WDFY3: variants seen among roughly 807,000 people sequenced by gnomAD.
WDFY3 encodes the protein WD repeat and FYVE domain containing 3.
A neutral mutation model predicts 409.6 loss-of-function variants in WDFY3; 66 were observed. That is an observed-to-expected ratio of 0.16 (90% CI 0.13 to 0.20). The LOEUF is 0.20. WDFY3 is among the 10% of genes least tolerant of loss of function. The pLI is 1.00. For synonymous variants in WDFY3, 1,521 were observed against 1,537.1 expected, an observed-to-expected ratio of 0.99 and a Z score of 0.25; for missense variants, 3,031 against 4,298.1, an observed-to-expected ratio of 0.71 and a Z score of 8.24.
chr4:84,857,819 A>G (rs1435119605), intron 4 of WDFY3, among the ~76,000 whole-genome samples: 2 of 152,184 alleles, frequency 1.3e-5, no homozygotes, highest in African/African-American at 2.4e-5. Flanking sequence ...TAATGTTTCT[A>G]TCCTCTTCTG....
At chr4:84,688,406 G>T in intron 61 of WDFY3, 141 bp from the exon 62 acceptor site, 1 of 803,996 alleles carries the variant, frequency 1.2e-6, no homozygotes, top group Non-Finnish European at 1.9e-6. Flanking sequence ...TGTCTGGAGA[G>T]TCTGGAAGGC....
chr4:84,802,471 T>C (rs562438166), intron 16 of WDFY3, among the ~76,000 whole-genome samples: 121 of 152,002 alleles, frequency 8.0e-4, no homozygotes, highest in African/African-American at 2.8e-3. Context: ...AGTTTCACTG[T>C]GTTAGCCAGG....
intron 58 of WDFY3, 114 bp from the exon 59 acceptor site, chr4:84,693,146 C>T (rs535293807): frequency 1.8e-6 from 2 of 1,088,850 alleles, no homozygotes; most frequent in South Asian, 3.1e-5. Context: ...CTATTAGGTA[C>T]TATATTATCC....
rs184334963 is a variant in WDFY3, at chr4:84,827,435, T to G, written c.957-454A>C. 1.0e-3 allele frequency among the ~76,000 whole-genome samples: 152 copies of G among 152,304 alleles called. 1 individual carries two copies. The highest frequency in any genetic ancestry group is 3.6e-3 in the African/African-American group (148 of 41,584). ...TCCTTTACTAGTGCTGTATGTGTACTTCCACACATTAGTGTAAGCTTTCAC... is the reference window on the plus strand; with the variant it reads ...TCCTTTACTAGTGCTGTATGTGTACGTCCACACATTAGTGTAAGCTTTCAC... On this transcript the variant is annotated intron_variant, in intron 9 of 67. Transcript: ENST00000295888.
At chr4:84,952,998 A>T (rs557182112) in intron 1 of WDFY3, among the ~76,000 whole-genome samples, 35 of 152,164 alleles carry the variant, frequency 2.3e-4, no homozygotes, top group Non-Finnish European at 8.8e-5. Context: ...CTGCAGCATT[A>T]TTCATTATGG....
intron 2 of WDFY3, among the ~76,000 whole-genome samples, chr4:84,918,654 T>C (rs1049220162): frequency 1.3e-5 from 2 of 151,884 alleles, no homozygotes; most frequent in Non-Finnish European, 2.9e-5. Context: ...AGTAAAATGT[T>C]GGCACTGTTG....
chr4:84,885,508 A>C (rs920546207), intron 3 of WDFY3, among the ~76,000 whole-genome samples: 1 of 152,134 alleles, frequency 6.6e-6, no homozygotes, highest in African/African-American at 2.4e-5. Context: ...AAAAAGAGAG[A>C]ACACAATAGA....
intron 2 of WDFY3, among the ~76,000 whole-genome samples, chr4:84,904,276 T>C (rs1766727749): frequency 2.0e-5 from 3 of 152,164 alleles, no homozygotes; most frequent in Non-Finnish European, 1.5e-5. Flanking sequence ...GTTTCGCTCT[T>C]GTTGCCCAGG....
chr4:84,732,568 A>T (rs1263086723), intron 44 of WDFY3, among the ~76,000 whole-genome samples: 2 of 151,682 alleles, frequency 1.3e-5, no homozygotes, highest in Non-Finnish European at 2.9e-5. Flanking sequence ...CCTTCATTCT[A>T]CTCTGTTTCT....
At chr4:84,702,593 T>C in intron 55 of WDFY3, 87 bp from the exon 56 acceptor site, 1 of 1,211,846 alleles carries the variant, frequency 8.3e-7, no homozygotes, top group Non-Finnish European at 1.1e-6. Context: ...AAACTCCAAC[T>C]ATAGTTGGTG....
chr4:84,723,954 G>T (rs1273054483), intron 46 of WDFY3, among the ~76,000 whole-genome samples: 4 of 152,132 alleles, frequency 2.6e-5, no homozygotes, highest in Non-Finnish European at 5.9e-5. Context: ...GTTTAGATCT[G>T]GGATAATCTC....
At chr4:84,709,186 AT>A in intron 52 of WDFY3, 106 bp downstream of exon 52, 2 of 1,402,468 alleles carry the variant, frequency 1.4e-6, no homozygotes, top group Middle Eastern at 1.9e-4. Flanking sequence ...AAAATAAAAC[AT>A]TTTCTCTATG....
chr4:84,705,009 A>AT (rs1172782282), intron 54 of WDFY3, among the ~76,000 whole-genome samples: 4 of 152,138 alleles, frequency 2.6e-5, no homozygotes, highest in Non-Finnish European at 4.4e-5. Flanking sequence ...GAGTATAGTA[A>AT]TTTTTTTTAA....
chr4:84,950,176 T>C (rs1293838397), intron 1 of WDFY3, among the ~76,000 whole-genome samples: 1 of 151,852 alleles, frequency 6.6e-6, no homozygotes, highest in East Asian at 1.9e-4. Context: ...CATGTTCTCA[T>C]TCATAAGTGG....
At chr4:84,903,999 A>G (rs1196365899) in intron 2 of WDFY3, among the ~76,000 whole-genome samples, 2 of 152,042 alleles carry the variant, frequency 1.3e-5, no homozygotes, top group African/African-American at 2.4e-5. Flanking sequence ...ATCTCTCCCA[A>G]TATGATGGTA....
intron 3 of WDFY3, among the ~76,000 whole-genome samples, chr4:84,872,428 G>A (rs1194752655): frequency 6.7e-6 from 1 of 150,244 alleles, no homozygotes; most frequent in Non-Finnish European, 1.5e-5. Flanking sequence ...TTGCCCCACT[G>A]CACTCCAGCC....
chr4:84,747,998 C>A lies in WDFY3; in HGVS notation c.5973+3485G>T, dbSNP rs559333235. Among the ~76,000 whole-genome samples the A allele has an allele frequency of 6.6e-5, 10 of 152,136 alleles. 1 individual carries two copies. The South Asian group carries it at 1.2e-3, about 19-fold the overall frequency. ...TTAGTAGTGTGAGCTTGGACTAACA[C>A]GCACTCCAAGTCAGCACCCTCTCAG... On this transcript the variant is annotated intron_variant, in intron 36 of 67. Transcript: ENST00000295888.
chr4:84,714,454 A>C (rs753380700), intron 50 of WDFY3, among the ~76,000 whole-genome samples: 1 of 152,152 alleles, frequency 6.6e-6, no homozygotes, highest in Non-Finnish European at 1.5e-5. Flanking sequence ...TAGTTTATTA[A>C]AGATAAAAAT....
intron 39 of WDFY3, 129 bp downstream of exon 39, chr4:84,740,058 T>C (rs905468922): frequency 1.0e-6 from 1 of 972,744 alleles, no homozygotes; most frequent in Admixed American, 2.7e-5. Flanking sequence ...CCCTTTACCT[T>C]TTTACATAAA....
Sources: gnomAD v4.1 joint callset for allele counts (sites outside exome capture counted in the v4.1 genomes callset) on GRCh38, gnomAD v4.1.1 for gene constraint, MANE v1.5 for transcripts, NCBI Gene and HGNC (gene_info 2026-07-23, HGNC 2026-07-21) for gene names.